Variants in TACC1 observed in about 807,000 individuals in gnomAD.
TACC1 encodes transforming acidic coiled-coil-containing protein 1.
Under a neutral mutation model 84.4 loss-of-function variants are expected in TACC1, and 48 were observed. The observed-to-expected ratio is 0.57, with a 90% CI of 0.45 to 0.72. The LOEUF is 0.72. TACC1 is among the 30% of genes least tolerant of loss of function. The probability of loss-of-function intolerance (pLI) is 0.00; values close to 1 mark genes in which losing one functional copy is unlikely to be tolerated. For missense variants in TACC1, 920 were observed against 973.0 expected (o/e 0.95, Z 0.72); for synonymous variants, 372 against 376.3 (o/e 0.99, Z 0.13).
chr8:38,827,025 C>T (rs1828228849), intron 4 of TACC1, 143 bp from the exon 5 acceptor site: 1 of 649,416 alleles, frequency 1.5e-6, no homozygotes, highest in African/African-American at 1.8e-5. Context: ...CTCCAACTTC[C>T]TCCTTGCTTT....
At chr8:38,753,200 A>G (rs1007600458) in intron 3 of TACC1, among the ~76,000 whole-genome samples, 3 of 152,106 alleles carry the variant, frequency 2.0e-5, no homozygotes, top group Non-Finnish European at 4.4e-5. Flanking sequence ...CCTGGGCTCC[A>G]GTGATCCTCC....
intron 1 of TACC1, among the ~76,000 whole-genome samples, chr8:38,739,748 T>TA (rs1806712052): frequency 6.6e-6 from 1 of 152,188 alleles, no homozygotes; most frequent in African/African-American, 2.4e-5. Context: ...TTTCACACCC[T>TA]AAAAATCCCC....
intron 2 of TACC1, among the ~76,000 whole-genome samples, chr8:38,816,693 CA>C (rs1175674600): frequency 1.3e-5 from 2 of 152,172 alleles, no homozygotes; most frequent in Non-Finnish European, 1.5e-5. Context: ...AAGGTATCCC[CA>C]TACCTGCAGG....
At chr8:38,789,987 G>C (rs977047612) in intron 2 of TACC1, among the ~76,000 whole-genome samples, 14 of 152,250 alleles carry the variant, frequency 9.2e-5, no homozygotes, top group Admixed American at 6.5e-4. Flanking sequence ...CCATAACAGA[G>C]TAACTTAGCG....
intron 3 of TACC1, 61 bp from the exon 4 acceptor site, chr8:38,825,247 A>G (rs2152249725): frequency 3.2e-6 from 5 of 1,571,684 alleles, no homozygotes; most frequent in South Asian, 1.1e-5. Context: ...GCTCCATTTC[A>G]TACCTTGACA....
rs146843569 is a variant in TACC1, at chr8:38,737,601, A to T, written c.-674-4750A>T. Among the ~76,000 whole-genome samples, 103 of 152,164 alleles carry T rather than the reference A, an allele frequency of 6.8e-4. 1 individual carries two copies. Among genetic ancestry groups the T allele is most frequent in the African/African-American group, 2.3e-3 (96 of 41,514 alleles). ...CTGGCTGGAGAACACCAGGAACAGC[A>T]TTGCCTCACTGCTGCTTGAGCAAAC... On this transcript the variant is annotated intron_variant, in intron 1 of 14. Transcript: ENST00000518415.
At chr8:38,843,893 C>A (rs150983756) in intron 11 of TACC1, among the ~76,000 whole-genome samples, 3 of 152,216 alleles carry the variant, frequency 2.0e-5, no homozygotes, top group Non-Finnish European at 4.4e-5. Flanking sequence ...GGTAGGTGAT[C>A]GTTTTGCATG....
Position 38,852,002 on chromosome 8 carries a change from G to GT in TACC1, c.*3980dup, listed in dbSNP as rs779082987. The GT allele has an allele frequency of 2.0e-5, 9 of 456,132 alleles. No individual in the cohort carries two copies. The highest frequency in any genetic ancestry group is 3.5e-5 in the Non-Finnish European group (8 of 226,838). The allele number at this position is 456,132 out of a possible 1,614,324, so 28.3% of individuals were successfully genotyped here. A position where few individuals can be genotyped will look rare whatever the true frequency, so the allele number is the denominator to read the frequency against. ...CACTAAATCCTTGAGTCTCCATAGA[G>GT]TAACAGTAAAGAAACTGATGTAACA... On this transcript the variant is annotated 3_prime_UTR_variant, in exon 13 of 13. Coordinates refer to ENST00000317827, the MANE Select transcript of TACC1 (RefSeq NM_006283.3).
intron 3 of TACC1, among the ~76,000 whole-genome samples, chr8:38,777,302 A>C (rs1815010178): frequency 6.6e-6 from 1 of 151,070 alleles, no homozygotes; most frequent in African/African-American, 2.4e-5. Context: ...CTCATGGAAC[A>C]GTCCTCAGGC....
At chr8:38,772,850 T>G (rs1014440116) in intron 3 of TACC1, among the ~76,000 whole-genome samples, 8 of 152,050 alleles carry the variant, frequency 5.3e-5, no homozygotes, top group African/African-American at 1.9e-4. Context: ...TCAATAAATT[T>G]TATGTATTAA....
chr8:38,756,470 T>A (rs1015725729), intron 3 of TACC1, among the ~76,000 whole-genome samples: 4 of 151,836 alleles, frequency 2.6e-5, no homozygotes, highest in Non-Finnish European at 5.9e-5. Context: ...GAGGCAGGAA[T>A]GGGTGAGGAA....
At chr8:38,800,590 C>T (rs916591515) in intron 2 of TACC1, among the ~76,000 whole-genome samples, 6 of 152,114 alleles carry the variant, frequency 3.9e-5, no homozygotes, top group African/African-American at 1.4e-4. Context: ...AGTATCGGGA[C>T]TTTATTCCTT....
At chr8:38,734,047 G>C (rs1165628532) in intron 1 of TACC1, among the ~76,000 whole-genome samples, 1 of 152,114 alleles carries the variant, frequency 6.6e-6, no homozygotes, top group African/African-American at 2.4e-5. Context: ...GGGGAACTGG[G>C]GAAAGGAAGG....
At chr8:38,755,918 G>C (rs181381375) in intron 3 of TACC1, among the ~76,000 whole-genome samples, 1 of 151,728 alleles carries the variant, frequency 6.6e-6, no homozygotes, top group Non-Finnish European at 1.5e-5. Flanking sequence ...GGGTTCAAGC[G>C]ATTCTCCTGC....
chr8:38,806,634 G>A (rs1457120599), intron 2 of TACC1, among the ~76,000 whole-genome samples: 1 of 152,082 alleles, frequency 6.6e-6, no homozygotes, highest in African/African-American at 2.4e-5. Flanking sequence ...TTGGTTTTGG[G>A]TAAGAAGATA....
intron 2 of TACC1, among the ~76,000 whole-genome samples, chr8:38,812,053 G>T (rs774714755): frequency 9.9e-5 from 15 of 152,130 alleles, no homozygotes; most frequent in Admixed American, 2.6e-4. Flanking sequence ...GTGGTCTCCT[G>T]CAGTACCCTC....
upstream of TACC1, among the ~76,000 whole-genome samples, chr8:38,783,102 CTATCTATATATA>C (rs1326938583): frequency 7.8e-3 from 755 of 97,206 alleles, 3 homozygotes; most frequent in South Asian, 0.026. Context: ...ATCTATCTAT[CTATCTATATATA>C]TATATATATA....
At chr8:38,748,539 A>T (rs1291095340) in intron 3 of TACC1, among the ~76,000 whole-genome samples, 1 of 152,156 alleles carries the variant, frequency 6.6e-6, no homozygotes, top group Admixed American at 6.5e-5. Flanking sequence ...GATAGACCAC[A>T]TTCTGGACCA....
At chr8:38,730,681 G>A (rs1239852536) in intron 1 of TACC1, among the ~76,000 whole-genome samples, 1 of 152,220 alleles carries the variant, frequency 6.6e-6, no homozygotes, top group Non-Finnish European at 1.5e-5. Context: ...ATACTGCCTT[G>A]AATATTTTTG....
Sources: allele counts gnomAD v4.1 joint callset (sites outside exome capture counted in the v4.1 genomes callset), GRCh38; gene constraint gnomAD v4.1.1; transcripts MANE v1.5; gene names NCBI Gene and HGNC (gene_info 2026-07-23, HGNC 2026-07-21).